CNBD1: variants seen among roughly 807,000 people sequenced by gnomAD.
CNBD1 encodes the protein cyclic nucleotide binding domain containing 1, also known as cyclic nucleotide-binding domain-containing protein 1.
A neutral mutation model predicts 54.4 loss-of-function variants in CNBD1; 71 were observed. The ratio of observed to expected loss-of-function variants is 1.30; its 90% CI spans 1.08 to 1.59. The LOEUF (loss-of-function observed/expected upper bound fraction) is 1.59. Among genes scored for constraint, CNBD1 ranks in the 40% most tolerant of loss-of-function variants. The probability of loss-of-function intolerance (pLI) is 0.00; values close to 1 mark genes in which losing one functional copy is unlikely to be tolerated. For synonymous variants in CNBD1, 182 were observed against 170.7 expected (o/e 1.07, Z -0.51); for missense variants, 659 against 518.0 (o/e 1.27, Z -2.64).
intron 4 of CNBD1, among the ~76,000 whole-genome samples, chr8:87,199,451 G>A (rs2915517): frequency 0.57 from 86,419 of 151,906 alleles, 25,273 homozygotes; most frequent in African/African-American, 0.64. Context: ...CACTCTTGCA[G>A]CCATTACCAA....
At chr8:87,425,353 T>G (rs1808026648) in intron 2 of CNBD1, among the ~76,000 whole-genome samples, 1 of 152,224 alleles carries the variant, frequency 6.6e-6, no homozygotes, top group Admixed American at 6.5e-5. Flanking sequence ...TTTGTTCCGT[T>G]GCTGGTGAGG....
At chr8:87,422,922 C>T (rs1001916062) in intron 2 of CNBD1, among the ~76,000 whole-genome samples, 6 of 151,952 alleles carry the variant, frequency 3.9e-5, no homozygotes, top group African/African-American at 7.3e-5. Flanking sequence ...AATGTTCTTC[C>T]GTTTGTTTGT....
At chr8:87,253,022 T>C (rs1807940913) in intron 6 of CNBD1, among the ~76,000 whole-genome samples, 1 of 151,916 alleles carries the variant, frequency 6.6e-6, no homozygotes, top group African/African-American at 2.4e-5. Context: ...GGAAATTCAG[T>C]GGACAATGAA....
In CNBD1 at chr8:87,146,334, A is replaced by G. The variant is rs190357765; in HGVS notation, c.432-59659A>G. Among the ~76,000 whole-genome samples the G allele has an allele frequency of 4.4e-3, 675 of 152,272 alleles. 1 individual carries two copies. Among genetic ancestry groups the G allele is most frequent in the Middle Eastern group, 0.014 (4 of 294 alleles). On this transcript the variant is annotated intron_variant, in intron 4 of 10. Coordinates refer to ENST00000518476, the MANE Select transcript of CNBD1 (RefSeq NM_173538.3). ...ATACTAGAACTGGTAACCCAGTTACATATTTGTGTCTACACCTTTACTTTT... is the reference window on the plus strand; with the variant it reads ...ATACTAGAACTGGTAACCCAGTTACGTATTTGTGTCTACACCTTTACTTTT...
At chr8:87,272,377 T>A (rs1480758464) in intron 6 of CNBD1, among the ~76,000 whole-genome samples, 1 of 152,014 alleles carries the variant, frequency 6.6e-6, no homozygotes, top group Admixed American at 6.6e-5. Flanking sequence ...AAATGCCACA[T>A]TGAAAAATTT....
chr8:86,960,078 C>G (rs1807888014), intron 4 of CNBD1, among the ~76,000 whole-genome samples: 1 of 152,144 alleles, frequency 6.6e-6, no homozygotes, highest in Non-Finnish European at 1.5e-5. Flanking sequence ...AAGCAATGCA[C>G]AAGATGGGTG....
intron 4 of CNBD1, among the ~76,000 whole-genome samples, chr8:87,205,027 C>T (rs1813941741): frequency 6.6e-6 from 1 of 151,804 alleles, no homozygotes; most frequent in Non-Finnish European, 1.5e-5. Context: ...CACACACAGA[C>T]ATAAACCTGT....
chr8:87,074,043 G>A (rs1175341290), intron 4 of CNBD1, among the ~76,000 whole-genome samples: 3 of 151,162 alleles, frequency 2.0e-5, no homozygotes, highest in Admixed American at 6.6e-5. Flanking sequence ...AGAGCTTGCA[G>A]TGAGCCGAGA....
intron 4 of CNBD1, among the ~76,000 whole-genome samples, chr8:86,964,253 C>T (rs1482079784): frequency 8.3e-6 from 1 of 120,442 alleles, no homozygotes; most frequent in Non-Finnish European, 1.8e-5. Flanking sequence ...AGTCCCAGTC[C>T]CTTGCAAGCC....
At chr8:87,006,372 G>C (rs1280149787) in intron 4 of CNBD1, among the ~76,000 whole-genome samples, 1 of 152,058 alleles carries the variant, frequency 6.6e-6, no homozygotes, top group East Asian at 1.9e-4. Flanking sequence ...AATTAACCAA[G>C]AAAAGGATGT....
At chr8:87,387,929 C>T (rs970351949) in intron 2 of CNBD1, among the ~76,000 whole-genome samples, 4 of 152,168 alleles carry the variant, frequency 2.6e-5, no homozygotes, top group Admixed American at 6.5e-5. Context: ...TGCAATCAAA[C>T]TAGAACTCAG....
At chr8:86,898,732 G>GA (rs1445456250) in intron 2 of CNBD1, among the ~76,000 whole-genome samples, 2 of 151,950 alleles carry the variant, frequency 1.3e-5, no homozygotes, top group African/African-American at 2.4e-5. Context: ...AGATAACAAA[G>GA]AAAAATTCTA....
chr8:87,109,529 T>C (rs984058570), intron 4 of CNBD1, among the ~76,000 whole-genome samples: 12 of 119,186 alleles, frequency 1.0e-4, no homozygotes, highest in Admixed American at 5.1e-4. Context: ...TGTTTCTTTC[T>C]TTCTTTCTTT....
intron 2 of CNBD1, among the ~76,000 whole-genome samples, chr8:87,389,431 A>C (rs1207642949): frequency 6.6e-6 from 1 of 152,220 alleles, no homozygotes; most frequent in Non-Finnish European, 1.5e-5. Context: ...ATGTGCAAAA[A>C]TCACAAGCAT....
chr8:87,275,531 G>C (rs943694517), intron 6 of CNBD1, among the ~76,000 whole-genome samples: 1 of 71,340 alleles, frequency 1.4e-5, no homozygotes, highest in African/African-American at 3.6e-5. Flanking sequence ...AACACTTCAT[G>C]CTAAAAACTC....
At chr8:87,120,537 T>G (rs1378455249) in intron 4 of CNBD1, among the ~76,000 whole-genome samples, 1 of 151,976 alleles carries the variant, frequency 6.6e-6, no homozygotes, top group African/African-American at 2.4e-5. Flanking sequence ...TGAGTATTGA[T>G]TTGTAGTCTA....
intron 5 of CNBD1, among the ~76,000 whole-genome samples, chr8:87,227,338 A>G (rs1252715666): frequency 6.9e-6 from 1 of 145,936 alleles, no homozygotes; most frequent in African/African-American, 2.5e-5. Flanking sequence ...CCTAGTCTCG[A>G]TGGTCTTTAC....
intron 4 of CNBD1, among the ~76,000 whole-genome samples, chr8:87,134,566 T>A (rs900804432): frequency 6.0e-5 from 9 of 151,012 alleles, no homozygotes; most frequent in African/African-American, 2.2e-4. Context: ...CTTTTAAAAT[T>A]CAGATTCACC....
chr8:87,397,282 A>G (rs1220475743), intron 2 of CNBD1, among the ~76,000 whole-genome samples: 4 of 151,914 alleles, frequency 2.6e-5, no homozygotes, highest in African/African-American at 7.2e-5. Flanking sequence ...TCCCATGACT[A>G]GAAATGTTTG....
Sources: allele counts gnomAD v4.1 joint callset (sites outside exome capture counted in the v4.1 genomes callset), GRCh38; gene constraint gnomAD v4.1.1; transcripts MANE v1.5; gene names NCBI Gene and HGNC (gene_info 2026-07-23, HGNC 2026-07-21).